The following ZNF90 variants were observed in gnomAD, a reference collection of about 807,000 sequenced individuals.
The protein encoded by ZNF90 is zinc finger protein HTF9.
Under a neutral mutation model 12.0 loss-of-function variants are expected in ZNF90, and 11 were observed. The observed-to-expected ratio is 0.92, with a 90% CI of 0.58 to 1.52. The LOEUF is 1.52. ZNF90 is among the 40% of genes most tolerant of loss of function. The pLI is 0.00. For missense variants in ZNF90, 765 were observed against 711.5 expected (o/e 1.08, Z -0.86); for synonymous variants, 232 against 240.1 (o/e 0.97, Z 0.31).
chr19:20,117,356 T>G (rs1377955273), intron 3 of ZNF90, among the ~76,000 whole-genome samples: 1 of 151,954 alleles, frequency 6.6e-6, no homozygotes, highest in East Asian at 1.9e-4. Context: ...TTTTCTTTGT[T>G]TCGTTTCTTT....
intron 1 of ZNF90, among the ~76,000 whole-genome samples, chr19:20,098,251 A>G (rs535145689): frequency 2.6e-5 from 4 of 152,342 alleles, no homozygotes; most frequent in African/African-American, 9.6e-5. Flanking sequence ...ATTTACAAAA[A>G]AGGGTGGGAG....
At chr19:20,112,270 C>T (rs2089096541) in intron 3 of ZNF90, among the ~76,000 whole-genome samples, 1 of 144,982 alleles carries the variant, frequency 6.9e-6, no homozygotes, top group African/African-American at 2.6e-5. Context: ...CTTACTCTTG[C>T]CCAGGATGAA....
chr19:20,090,154 C>T (rs2088891155), intron 1 of ZNF90, among the ~76,000 whole-genome samples: 1 of 151,990 alleles, frequency 6.6e-6, no homozygotes. Flanking sequence ...GCAGTGTAAA[C>T]AAGAGTAGGG....
rs754088212 is a variant in ZNF90 at position 20,078,020 on chromosome 19, T to C, written c.-113T>C. On this transcript the variant is annotated 5_prime_UTR_variant, in exon 1 of 4. Coordinates refer to ENST00000418063, the MANE Select transcript of ZNF90 (RefSeq NM_007138.2). ...GCGGCCATTTGTCTCTTGCTGCAGC[T>C]GGTGCTCCAAATCTGGTCTTAGCTG... 108 of 1,386,570 alleles carry C rather than the reference T, an allele frequency of 7.8e-5. No individual in the cohort carries two copies. The highest frequency in any genetic ancestry group is 5.3e-4 in the Middle Eastern group (3 of 5,658). The allele number at this position is 1,386,570 out of a possible 1,614,324, so 85.9% of individuals were successfully genotyped here.
In ZNF90 at chr19:20,111,728, A is replaced by G. The variant is rs368740152; in HGVS notation, c.227-6053A>G. On this transcript the variant is annotated intron_variant, in intron 3 of 3. Coordinates refer to ENST00000418063, the MANE Select transcript of ZNF90 (RefSeq NM_007138.2). ...AATCATCTTGAAATGTGGAGATTAC[A>G]TACATCTTAAAGTTAAAACTATATT... Among the ~76,000 whole-genome samples, 5 of 152,278 alleles carry G rather than the reference A, an allele frequency of 3.3e-5. No homozygotes were observed. In the East Asian group the frequency reaches 9.6e-4, roughly 29 times the overall value.
intron 1 of ZNF90, among the ~76,000 whole-genome samples, chr19:20,100,958 C>T (rs558155681): frequency 8.5e-5 from 13 of 152,212 alleles, no homozygotes; most frequent in African/African-American, 3.1e-4. Flanking sequence ...GTCGGGAGTG[C>T]ACAACCCCCT....
intron 3 of ZNF90, among the ~76,000 whole-genome samples, chr19:20,116,170 G>A (rs1308491358): frequency 6.6e-6 from 1 of 152,004 alleles, no homozygotes; most frequent in Non-Finnish European, 1.5e-5. Context: ...ACTGTGCCCA[G>A]CATATTTTAT....
intron 1 of ZNF90, among the ~76,000 whole-genome samples, chr19:20,086,309 A>G (rs1483272636): frequency 7.3e-6 from 1 of 137,852 alleles, no homozygotes; most frequent in Non-Finnish European, 1.5e-5. Flanking sequence ...ATTTCAGCTC[A>G]CTGCAACCGC....
At position 20,110,843 on chromosome 19, in the gene ZNF90, A is replaced by G. The variant is rs150543116; in HGVS notation, c.226+5527A>G. On this transcript the variant is annotated intron_variant, in intron 3 of 3. Transcript: ENST00000418063. The stretch of plus-strand genomic sequence containing the variant: ...TCATTTGTGTACTTTTCTAATGAAA[A>G]CTTGTTTATCTATTTCTAAATTAAG... Among the ~76,000 whole-genome samples the G allele has an allele frequency of 2.4e-3, 366 of 151,944 alleles. 2 individuals carry two copies. Among genetic ancestry groups the G allele is most frequent in the African/African-American group, 8.6e-3 (357 of 41,460 alleles).
chr19:20,118,150 T>G lies in ZNF90; in HGVS notation c.596T>G (p.Ile199Arg), dbSNP rs781960502. Residue 199 changes from isoleucine (I) to arginine (R), a missense_variant, in exon 4 of 4, where the codon ATA becomes AGA. Ile to Arg is a moderately conservative substitution (Grantham distance 97). Coordinates refer to ENST00000418063, the MANE Select transcript of ZNF90 (RefSeq NM_007138.2). ...CATAAGAAAATTCATACTGGAGAGATAACCTGCAAATGTGAAGAATGTGGC... is the reference window on the plus strand; with the variant it reads ...CATAAGAAAATTCATACTGGAGAGAGAACCTGCAAATGTGAAGAATGTGGC... ...ATHKKIHTGE[I>R]TCKCEECGKA... is the part of the protein sequence containing the mutation. The G allele has an allele frequency of 5.0e-6, 8 of 1,610,322 alleles. No individual in the cohort carries two copies. The highest frequency in any genetic ancestry group is 6.8e-6 in the Non-Finnish European group (8 of 1,177,972).
chr19:20,090,105 GATATC>G (rs1458220960), intron 1 of ZNF90, among the ~76,000 whole-genome samples: 1 of 152,216 alleles, frequency 6.6e-6, no homozygotes, highest in Admixed American at 6.5e-5. Flanking sequence ...AGCACCAAGA[GATATC>G]AGCTGTAATG....
At position 20,114,660 on chromosome 19, in the gene ZNF90, TA is replaced by T. The variant is rs1277112592; in HGVS notation, c.227-3115del. 1.1e-3 allele frequency among the ~76,000 whole-genome samples: 167 copies of T among 152,290 alleles called. 1 individual carries two copies. Among genetic ancestry groups the T allele is most frequent in the African/African-American group, 3.8e-3 (157 of 41,580 alleles). ...ATAGAAAGTAATCTATTTTCAGCTT[TA>T]AAAAATGTGTTATGACTTTGTTTTT... On this transcript the variant is annotated intron_variant, in intron 3 of 3. Coordinates refer to ENST00000418063, the MANE Select transcript of ZNF90 (RefSeq NM_007138.2).
At position 20,120,086 on chromosome 19, in the gene ZNF90, A is replaced by T. The variant is rs1408883517; in HGVS notation, c.*726A>T. ...GCAAGACTTGATTGTAGGTAAGATA[A>T]TTCATACTGGCAAAACTCCTACAAG... On this transcript the variant is annotated 3_prime_UTR_variant, in exon 4 of 4. Transcript: ENST00000418063. Among the ~76,000 whole-genome samples the T allele has an allele frequency of 6.6e-6, 1 of 152,190 alleles. No homozygotes were observed. Among genetic ancestry groups the T allele is most frequent in the African/African-American group, 2.4e-5 (1 of 41,438 alleles).
Position 20,106,044 on chromosome 19 carries a change from C to CATTT in ZNF90, c.226+728_226+729insATTT, listed in dbSNP as rs1555704366. ...TTATTTGGAACTTCTCTAATTTTTT[C>CATTT]TTTTTTTTTTTTTTTTTTTTTTTGG... On this transcript the variant is annotated intron_variant, in intron 3 of 3. Coordinates refer to ENST00000418063, the MANE Select transcript of ZNF90 (RefSeq NM_007138.2). 2.4e-3 allele frequency among the ~76,000 whole-genome samples: 171 copies of CATTT among 71,054 alleles called. 3 individuals carry two copies. Among genetic ancestry groups the CATTT allele is most frequent in the African/African-American group, 6.1e-3 (115 of 18,810 alleles). 46.6% of individuals were successfully genotyped at this position (71,054 alleles called of 152,430 possible).
chr19:20,101,823 T>C (rs10418117), intron 1 of ZNF90, among the ~76,000 whole-genome samples: 2,917 of 152,278 alleles, frequency 0.019, 100 homozygotes, highest in African/African-American at 0.067. Context: ...TGTGTCCACT[T>C]TGCCTCCTGG....
chr19:20,113,429 G>C (rs2089107888), intron 3 of ZNF90, among the ~76,000 whole-genome samples: 1 of 152,086 alleles, frequency 6.6e-6, no homozygotes, highest in African/African-American at 2.4e-5. Flanking sequence ...CTGACCTCAG[G>C]TGATCTGCCC....
intron 3 of ZNF90, 89 bp from the exon 4 acceptor site, chr19:20,117,692 C>T: frequency 1.4e-6 from 2 of 1,411,966 alleles, no homozygotes; most frequent in Non-Finnish European, 1.8e-6. Flanking sequence ...TTCATTTTGC[C>T]CAAGATGAGG....
intron 1 of ZNF90, among the ~76,000 whole-genome samples, chr19:20,095,581 A>C (rs2088937967): frequency 6.6e-6 from 1 of 151,934 alleles, no homozygotes; most frequent in South Asian, 2.1e-4. Flanking sequence ...GGGCATGGAA[A>C]TAAGGGATTG....
intron 1 of ZNF90, among the ~76,000 whole-genome samples, chr19:20,101,518 G>A (rs1363437642): frequency 6.6e-6 from 1 of 152,212 alleles, no homozygotes; most frequent in Non-Finnish European, 1.5e-5. Flanking sequence ...GATGGGAAAG[G>A]AGAAACTTTT....
Sources: gnomAD v4.1 joint callset for allele counts (sites outside exome capture counted in the v4.1 genomes callset) on GRCh38, gnomAD v4.1.1 for gene constraint, MANE v1.5 for transcripts, NCBI Gene and HGNC (gene_info 2026-07-23, HGNC 2026-07-21) for gene names.